Variants in SUPT3H observed in about 807,000 individuals in gnomAD.
SUPT3H encodes SPT3 homolog, SAGA and STAGA complex component, also known as transcription initiation protein SPT3 homolog.
SUPT3H carries 44 observed loss-of-function variants against 44.3 expected under a neutral mutation model. The observed-to-expected ratio is 0.99, with a 90% CI of 0.78 to 1.28. The LOEUF (loss-of-function observed/expected upper bound fraction) is 1.28, where lower values mean the gene tolerates loss of function less well. Ranked by LOEUF, SUPT3H falls within the 50% of genes most tolerant of loss-of-function variation. SUPT3H has a pLI of 0.00. For synonymous variants in SUPT3H, 124 were observed against 125.6 expected (o/e 0.99, Z 0.09); for missense variants, 380 against 387.1 (o/e 0.98, Z 0.15).
chr6:45,300,837 T>TAAGAC (rs56300485), intron 2 of SUPT3H, among the ~76,000 whole-genome samples: 148,924 of 152,020 alleles, frequency 0.98, 72,957 homozygotes, highest in Middle Eastern at 1. Context: ...AGGCAAAACC[T>TAAGAC]AAGAACTCTG....
chr6:45,018,044 C>T (rs1784562353), intron 4 of SUPT3H, among the ~76,000 whole-genome samples: 1 of 151,942 alleles, frequency 6.6e-6, no homozygotes, highest in Non-Finnish European at 1.5e-5. Flanking sequence ...TGTAGTTCTC[C>T]TTGAAGAGGT....
chr6:45,282,367 T>C (rs1389493671), intron 2 of SUPT3H, among the ~76,000 whole-genome samples: 2 of 151,876 alleles, frequency 1.3e-5, no homozygotes, highest in Non-Finnish European at 2.9e-5. Context: ...CTAACTAGAA[T>C]AACCAATGCA....
rs202179785 is a variant in SUPT3H, at chr6:45,331,129, G to A, written c.101+34072C>T. On this transcript the variant is annotated intron_variant, in intron 2 of 10. Transcript: ENST00000371459. ...GGTGTGTGTGTGTGTGTGTGTGTGC[G>A]CGCGCGCGCGCACATGCTAGAGAAA... 6.6e-5 allele frequency among the ~76,000 whole-genome samples: 9 copies of A among 136,060 alleles called. No homozygotes were observed. In the South Asian group the frequency reaches 1.9e-3, roughly 29 times the overall value. The allele number at this position is 136,060 out of a possible 152,430, so 89.3% of individuals were successfully genotyped here.
intron 10 of SUPT3H, among the ~76,000 whole-genome samples, chr6:44,844,363 AG>A (rs1246367942): frequency 3.9e-5 from 6 of 152,224 alleles, no homozygotes; most frequent in African/African-American, 1.4e-4. Context: ...TGTAAAAAAA[AG>A]ATCGATAAAT....
At chr6:45,201,084 C>G (rs1198013403) in intron 2 of SUPT3H, among the ~76,000 whole-genome samples, 1 of 151,508 alleles carries the variant, frequency 6.6e-6, no homozygotes, top group Non-Finnish European at 1.5e-5. Context: ...TAGTAACTTA[C>G]ATAATAATTA....
chr6:45,035,310 G>A (rs1375616439), intron 3 of SUPT3H, among the ~76,000 whole-genome samples: 1 of 152,142 alleles, frequency 6.6e-6, no homozygotes, highest in African/African-American at 2.4e-5. Context: ...TAATATGGAT[G>A]TAATGATACC....
At chr6:45,021,690 CAACA>C (rs1443552989) in intron 3 of SUPT3H, among the ~76,000 whole-genome samples, 1 of 152,002 alleles carries the variant, frequency 6.6e-6, no homozygotes, top group Non-Finnish European at 1.5e-5. Flanking sequence ...ACTATTATCT[CAACA>C]AATATATGAA....
intron 10 of SUPT3H, among the ~76,000 whole-genome samples, chr6:44,859,975 A>G (rs1452807430): frequency 6.6e-6 from 1 of 152,218 alleles, no homozygotes; most frequent in African/African-American, 2.4e-5. Context: ...AATCAAACAC[A>G]GAATGGGGAA....
intron 6 of SUPT3H, among the ~76,000 whole-genome samples, chr6:44,965,336 T>C (rs1350899671): frequency 6.6e-6 from 1 of 152,136 alleles, no homozygotes; most frequent in Non-Finnish European, 1.5e-5. Flanking sequence ...TTTACCTTGG[T>C]GGGTGATAAA....
chr6:44,931,301 T>C (rs994410455), intron 10 of SUPT3H, among the ~76,000 whole-genome samples: 3 of 152,220 alleles, frequency 2.0e-5, no homozygotes, highest in African/African-American at 7.2e-5. Context: ...TCTTTTTCCC[T>C]TCCACTGTCT....
At chr6:45,158,298 A>ATATATATATATATAATTTTTTT in intron 2 of SUPT3H, among the ~76,000 whole-genome samples, 1 of 99,694 alleles carries the variant, frequency 1.0e-5, no homozygotes, top group South Asian at 3.0e-4. Flanking sequence ...ATATATATAT[A>ATATATATATATATAATTTTTTT]TTTTTTTTTT....
intron 2 of SUPT3H, among the ~76,000 whole-genome samples, chr6:45,266,195 A>G (rs1775234479): frequency 1.3e-5 from 2 of 152,136 alleles, no homozygotes; most frequent in South Asian, 4.1e-4. Flanking sequence ...AGCCACAAGG[A>G]AATTCAAAAT....
chr6:45,257,291 G>A (rs1426879274), intron 2 of SUPT3H, among the ~76,000 whole-genome samples: 4 of 152,066 alleles, frequency 2.6e-5, no homozygotes, highest in African/African-American at 7.2e-5. Context: ...AATTATCCAA[G>A]GTCACAAACC....
chr6:45,247,106 A>G (rs1439283474), intron 2 of SUPT3H, among the ~76,000 whole-genome samples: 1 of 152,250 alleles, frequency 6.6e-6, no homozygotes, highest in Non-Finnish European at 1.5e-5. Flanking sequence ...TGCTAAAAGG[A>G]TAATAAAGGA....
chr6:44,999,181 G>GC (rs1781673637), intron 6 of SUPT3H, among the ~76,000 whole-genome samples: 1 of 151,998 alleles, frequency 6.6e-6, no homozygotes, highest in Non-Finnish European at 1.5e-5. Context: ...GTGAGAGAAA[G>GC]CGACAGTAAG....
At chr6:45,132,347 G>T (rs1410069396) in intron 2 of SUPT3H, among the ~76,000 whole-genome samples, 1 of 152,108 alleles carries the variant, frequency 6.6e-6, no homozygotes, top group East Asian at 1.9e-4. Flanking sequence ...ACCTTTTACA[G>T]TTCCCTATTC....
chr6:44,842,941 A>C (rs992303983), intron 10 of SUPT3H, among the ~76,000 whole-genome samples: 18 of 152,176 alleles, frequency 1.2e-4, no homozygotes, highest in Non-Finnish European at 1.5e-5. Context: ...TTTGAAAAGA[A>C]ACATACTGTT....
At chr6:45,179,853 A>G (rs553070826) in intron 2 of SUPT3H, among the ~76,000 whole-genome samples, 1 of 152,184 alleles carries the variant, frequency 6.6e-6, no homozygotes, top group Non-Finnish European at 1.5e-5. Context: ...CAACATAGTG[A>G]TGGAAGTTCT....
At chr6:45,269,190 T>A (rs576069244) in intron 2 of SUPT3H, among the ~76,000 whole-genome samples, 25 of 152,326 alleles carry the variant, frequency 1.6e-4, no homozygotes, top group African/African-American at 6.0e-4. Context: ...AAATGGATAC[T>A]GAATGAACTA....
Sources: gnomAD v4.1 joint callset for allele counts (sites outside exome capture counted in the v4.1 genomes callset) on GRCh38, gnomAD v4.1.1 for gene constraint, MANE v1.5 for transcripts, NCBI Gene and HGNC (gene_info 2026-07-23, HGNC 2026-07-21) for gene names.